ATAD3C: variants seen among roughly 807,000 people sequenced by gnomAD.
ATAD3C encodes the protein ATPase family AAA domain containing 3C, also known as ATPase family AAA domain-containing protein 3C.
A neutral mutation model predicts 46.3 loss-of-function variants in ATAD3C; 38 were observed. The ratio of observed to expected loss-of-function variants is 0.82; its 90% confidence interval spans 0.63 to 1.08. The LOEUF is 1.08. Ranked by LOEUF, ATAD3C falls within the 50% of genes least tolerant of loss-of-function variation. The probability of loss-of-function intolerance (pLI) is 0.00; values close to 1 mark genes in which losing one functional copy is unlikely to be tolerated. For synonymous variants in ATAD3C, 220 were observed against 236.4 expected, an observed-to-expected ratio of 0.93 and a Z score of 0.63; for missense variants, 563 against 572.7, an observed-to-expected ratio of 0.98 and a Z score of 0.17.
chr1:1,460,605 C>G (rs1023253505), intron 9 of ATAD3C, 145 bp from the exon 10 acceptor site: 1 of 1,377,896 alleles, frequency 7.3e-7, no homozygotes, highest in Non-Finnish European at 9.4e-7. Flanking sequence ...GCTGTGGCTG[C>G]GTTCTCCCCA....
rs560905218 is a variant in ATAD3C, at chr1:1,465,334, T to G, written c.1089+2626T>G. ...GGGCCAGGCGCGGTGGCTCATGCCTTTAATCCCAGCACTTTGGGAGGCTGA... is the reference window on the plus strand; with the variant it reads ...GGGCCAGGCGCGGTGGCTCATGCCTGTAATCCCAGCACTTTGGGAGGCTGA... On this transcript the variant is annotated intron_variant, in intron 11 of 11. Coordinates refer to ENST00000378785, the MANE Select transcript of ATAD3C (RefSeq NM_001039211.3). Among the ~76,000 whole-genome samples the G allele has an allele frequency of 3.0e-3, 452 of 151,546 alleles. 5 individuals carry two copies. The highest frequency in any genetic ancestry group is 0.01 in the African/African-American group (427 of 41,394).
chr1:1,453,582 C>A (rs551599573), intron 3 of ATAD3C, among the ~76,000 whole-genome samples: 1 of 151,866 alleles, frequency 6.6e-6, no homozygotes, highest in East Asian at 1.9e-4. Flanking sequence ...AGTGATCCAC[C>A]CATCTTGGCC....
At position 1,459,663 on chromosome 1, in the gene ATAD3C, G is replaced by A. The variant is rs1639024335; in HGVS notation, c.812+432G>A. Among the ~76,000 whole-genome samples, 2 of 151,778 alleles carry A rather than the reference G, an allele frequency of 1.3e-5. No individual in the cohort carries two copies. The highest frequency in any genetic ancestry group is 2.1e-4 in the South Asian group (1 of 4,798). On this transcript the variant is annotated intron_variant, in intron 9 of 11. Coordinates refer to ENST00000378785, the MANE Select transcript of ATAD3C (RefSeq NM_001039211.3). This position sits in a 1 kb window ranked among gnomAD's most constrained non-coding sequence, Gnocchi z 4.9. Reference sequence around the variant, plus strand: ...ACCAGCAGGTCCTGTGTGTCGGGGCGGAACCTGGGACCTTGGTCCCCCGCC... The same window carrying A: ...ACCAGCAGGTCCTGTGTGTCGGGGCAGAACCTGGGACCTTGGTCCCCCGCC...
rs56939451 is a variant in ATAD3C, at chr1:1,455,216, C to CAA, written c.379-218_379-217dup. On this transcript the variant is annotated intron_variant, in intron 4 of 11. Coordinates refer to ENST00000378785, the MANE Select transcript of ATAD3C (RefSeq NM_001039211.3). ...TGGGCGACAGAGTGAGACTCCGTCT[C>CAA]AAAAAAAAAAAAAAAAAAAAAAAAA... 1.7e-3 allele frequency among the ~76,000 whole-genome samples: 84 copies of CAA among 49,220 alleles called. 2 individuals are homozygous for CAA. Among genetic ancestry groups the CAA allele is most frequent in the African/African-American group, 2.2e-3 (39 of 17,748 alleles). The allele number at this position is 49,220 out of a possible 152,430, so 32.3% of individuals were successfully genotyped here. A position where few individuals can be genotyped will look rare whatever the true frequency, so the allele number is the denominator to read the frequency against.
At chr1:1,457,233 G>T in intron 8 of ATAD3C, 53 bp downstream of exon 8, 1 of 1,611,282 alleles carries the variant, frequency 6.2e-7, no homozygotes, top group Non-Finnish European at 8.5e-7. Flanking sequence ...GGGTGTGTGC[G>T]GCTGTCATCC....
Position 1,459,474 on chromosome 1 carries a change from A to G in ATAD3C, c.812+243A>G, listed in dbSNP as rs372776056. 0.017 allele frequency among the ~76,000 whole-genome samples: 2,634 copies of G among 150,982 alleles called. 80 individuals are homozygous for G. The highest frequency in any genetic ancestry group is 0.056 in the African/African-American group (2,251 of 40,476). ...CAGTCCTGTCCTCACGGCCCTGTGCACCGCCGCCCCAGCTTGCAGGTCCCT... is the reference window on the plus strand; with the variant it reads ...CAGTCCTGTCCTCACGGCCCTGTGCGCCGCCGCCCCAGCTTGCAGGTCCCT... On this transcript the variant is annotated intron_variant, in intron 9 of 11. Coordinates refer to ENST00000378785, the MANE Select transcript of ATAD3C (RefSeq NM_001039211.3). The surrounding 1 kb of genome is among the most constrained non-coding windows in gnomAD (Gnocchi z 4.9).
At position 1,459,564 on chromosome 1, in the gene ATAD3C, T is replaced by TGG. The variant is rs1639022874; in HGVS notation, c.812+335_812+336dup. On this transcript the variant is annotated intron_variant, in intron 9 of 11. Coordinates refer to ENST00000378785, the MANE Select transcript of ATAD3C (RefSeq NM_001039211.3). This position sits in a 1 kb window ranked among gnomAD's most constrained non-coding sequence, Gnocchi z 4.9. Reference sequence around the variant, plus strand: ...GTGGTCTCATCGTGTGAGGCTCTGCTGGGTCTCCCTTGGAGGGTGTGTGTG... The same window carrying TGG: ...GTGGTCTCATCGTGTGAGGCTCTGCTGGGGGTCTCCCTTGGAGGGTGTGTGTG... Among the ~76,000 whole-genome samples, 1 of 151,744 alleles carries TGG rather than the reference T, an allele frequency of 6.6e-6. No individual in the cohort carries two copies. The highest frequency in any genetic ancestry group is 1.5e-5 in the Non-Finnish European group (1 of 67,930).
intron 1 of ATAD3C, among the ~76,000 whole-genome samples, chr1:1,451,349 T>A (rs1047991998): frequency 6.0e-5 from 9 of 149,410 alleles, no homozygotes; most frequent in African/African-American, 1.7e-4. Context: ...CAAGATTTTT[T>A]AATTTTATTT....
At chr1:1,455,301 A>G (rs1638936941) in intron 4 of ATAD3C, among the ~76,000 whole-genome samples, 159 bp from the exon 5 acceptor site, 1 of 150,868 alleles carries the variant, frequency 6.6e-6, no homozygotes, top group Non-Finnish European at 1.5e-5. Context: ...CCTGCAACAG[A>G]CACCCAGTCT....
At chr1:1,466,831 T>A (rs925141600) in intron 11 of ATAD3C, among the ~76,000 whole-genome samples, 1 of 151,956 alleles carries the variant, frequency 6.6e-6, no homozygotes, top group African/African-American at 2.4e-5. Flanking sequence ...CATGTCATTT[T>A]TCTTGTGGTG....
At chr1:1,452,930 C>T (rs745873149) in intron 3 of ATAD3C, among the ~76,000 whole-genome samples, 1 of 152,216 alleles carries the variant, frequency 6.6e-6, no homozygotes, top group African/African-American at 2.4e-5. Flanking sequence ...TCCTTTAAAG[C>T]CTCACTCTTT....
intron 10 of ATAD3C, 64 bp downstream of exon 10, chr1:1,460,981 G>A: frequency 1.3e-6 from 2 of 1,521,978 alleles, no homozygotes; most frequent in South Asian, 2.6e-5. Context: ...CCCTGCTCCT[G>A]TTCTCCGGAC....
rs1639024500 is a variant in ATAD3C, at chr1:1,459,677, T to C, written c.812+446T>C. 6.6e-6 allele frequency among the ~76,000 whole-genome samples: 1 copy of C among 151,824 alleles called. No homozygotes were observed. The highest frequency in any genetic ancestry group is 1.5e-5 in the Non-Finnish European group (1 of 67,938). On this transcript the variant is annotated intron_variant, in intron 9 of 11. Coordinates refer to ENST00000378785, the MANE Select transcript of ATAD3C (RefSeq NM_001039211.3). This position sits in a 1 kb window ranked among gnomAD's most constrained non-coding sequence, Gnocchi z 4.9. Reference sequence around the variant, plus strand: ...TGTGTCGGGGCGGAACCTGGGACCTTGGTCCCCCGCCCGGATGCTGGCCAA... The same window carrying C: ...TGTGTCGGGGCGGAACCTGGGACCTCGGTCCCCCGCCCGGATGCTGGCCAA...
At position 1,454,455 on chromosome 1, in the gene ATAD3C, G is replaced by A. The variant is rs753652173; in HGVS notation, c.333G>A (p.Glu111=). The A allele has an allele frequency of 1.8e-5, 29 of 1,609,976 alleles. No individual in the cohort carries two copies. In the Admixed American group the frequency reaches 4.7e-4, roughly 26 times the overall value. ...TGGGGAAGCCGTCCCTAGTGAGGGA[G>A]ACGTCCCGCATCACGGTGCTTGAGG... ...ARLGKPSLVR[E]TSRITVLEAL... The change falls in exon 4 of 12, where the codon GAG becomes GAA. Residue 111 remains glutamate, a synonymous_variant. Coordinates refer to ENST00000378785, the MANE Select transcript of ATAD3C (RefSeq NM_001039211.3).
In ATAD3C at chr1:1,467,214, T is replaced by C. The variant is rs2649575; in HGVS notation, c.1090-1170T>C. 5.5e-4 allele frequency among the ~76,000 whole-genome samples: 84 copies of C among 152,064 alleles called. 1 individual carries two copies. The highest frequency in any genetic ancestry group is 3.4e-3 in the Middle Eastern group (1 of 294). Reference sequence around the variant, plus strand: ...GTCCCGTGCTTCCTGGAGGGGTGGCTCCGTGAGCATCTGCTCACCCCCTTT... The same window carrying C: ...GTCCCGTGCTTCCTGGAGGGGTGGCCCCGTGAGCATCTGCTCACCCCCTTT... On this transcript the variant is annotated intron_variant, in intron 11 of 11. Transcript: ENST00000378785.
rs554909698 is a variant in ATAD3C at position 1,469,628 on chromosome 1, G to C, written c.*1098G>C. On this transcript the variant is annotated 3_prime_UTR_variant, in exon 12 of 12. Coordinates refer to ENST00000378785, the MANE Select transcript of ATAD3C (RefSeq NM_001039211.3). Reference sequence around the variant, plus strand: ...TGGGCTCAAGCAATCCTCCTGCCTCGGCTTCCTAAAGTGTTGGGATTACAG... The same window carrying C: ...TGGGCTCAAGCAATCCTCCTGCCTCCGCTTCCTAAAGTGTTGGGATTACAG... The C allele has an allele frequency of 6.6e-6, 1 of 151,306 alleles. No individual in the cohort carries two copies. Among genetic ancestry groups the C allele is most frequent in the Non-Finnish European group, 1.5e-5 (1 of 67,862 alleles). The allele number at this position is 151,306 out of a possible 1,614,324, so 9.4% of individuals were successfully genotyped here.
In ATAD3C at chr1:1,468,640, GC is replaced by G; in HGVS notation, c.*112del. 1.3e-6 allele frequency: 2 copies of G among 1,571,548 alleles called. No homozygotes were observed. Among genetic ancestry groups the G allele is most frequent in the South Asian group, 2.3e-5 (2 of 87,952 alleles). ...CTCCCCGTAATAAAGTCCCACGGGG[GC>G]CGCACCGCTGTGTCTATTGGCTGAC... is the stretch of plus-strand genomic sequence containing the variant. On this transcript the variant is annotated 3_prime_UTR_variant, in exon 12 of 12. Coordinates refer to ENST00000378785, the MANE Select transcript of ATAD3C (RefSeq NM_001039211.3).
At chr1:1,461,877 TGCACA>T (rs1374305454) in intron 10 of ATAD3C, among the ~76,000 whole-genome samples, 1 of 152,196 alleles carries the variant, frequency 6.6e-6, no homozygotes, top group Admixed American at 6.5e-5. Flanking sequence ...TGCTTCCTGC[TGCACA>T]TGTGCCTTGA....
intron 10 of ATAD3C, among the ~76,000 whole-genome samples, chr1:1,461,960 G>C (rs1334330416): frequency 6.6e-6 from 1 of 152,112 alleles, no homozygotes; most frequent in Non-Finnish European, 1.5e-5. Flanking sequence ...TCCAGGTGAT[G>C]AGGGGCCCTG....
Sources: allele counts gnomAD v4.1 joint callset (sites outside exome capture counted in the v4.1 genomes callset), GRCh38; gene constraint gnomAD v4.1.1; non-coding constraint Gnocchi (gnomAD v3.1); transcripts MANE v1.5; gene names NCBI Gene and HGNC (gene_info 2026-07-23, HGNC 2026-07-21).